The following EPN2 variants were observed in gnomAD, a reference collection of about 807,000 sequenced individuals.
EPN2 encodes the protein epsin 2.
Under a neutral mutation model 61.7 loss-of-function variants are expected in EPN2, and 34 were observed. The ratio of observed to expected loss-of-function variants is 0.55; its 90% CI spans 0.42 to 0.73. The LOEUF is 0.73. EPN2 is among the 30% of genes least tolerant of loss of function. The probability of loss-of-function intolerance (pLI) is 0.00; values close to 1 mark genes in which losing one functional copy is unlikely to be tolerated. For synonymous variants in EPN2, 349 were observed against 353.6 expected (o/e 0.99, Z 0.15); for missense variants, 714 against 839.2 (o/e 0.85, Z 1.84).
chr17:19,250,429 T>G (rs1052073746), intron 1 of EPN2, among the ~76,000 whole-genome samples: 10 of 152,134 alleles, frequency 6.6e-5, no homozygotes, highest in African/African-American at 2.2e-4. Flanking sequence ...ACCTTAATTC[T>G]CCTTTGCCAC....
intron 1 of EPN2, among the ~76,000 whole-genome samples, chr17:19,268,257 C>CATCTACTGGCATGGGG (rs1951022076): frequency 1.3e-5 from 2 of 152,244 alleles, no homozygotes; most frequent in Admixed American, 1.3e-4. Flanking sequence ...CAGGGTGCCA[C>CATCTACTGGCATGGGG]ATCTGTGCTT....
intron 1 of EPN2, among the ~76,000 whole-genome samples, chr17:19,271,379 G>C (rs1221035340): frequency 6.6e-6 from 1 of 152,226 alleles, no homozygotes; most frequent in Non-Finnish European, 1.5e-5. Context: ...ATGCAAGGCA[G>C]GAGCCACTTC....
intron 1 of EPN2, among the ~76,000 whole-genome samples, chr17:19,256,753 T>C (rs773403180): frequency 6.6e-6 from 1 of 152,188 alleles, no homozygotes; most frequent in Non-Finnish European, 1.5e-5. Flanking sequence ...TCCATGGGCC[T>C]GTCTAATGGT....
At chr17:19,314,381 G>A (rs900501159) in intron 7 of EPN2, among the ~76,000 whole-genome samples, 7 of 152,128 alleles carry the variant, frequency 4.6e-5, no homozygotes, top group African/African-American at 1.7e-4. Context: ...AAAAGAAGGT[G>A]TCCAGGCACC....
chr17:19,251,284 C>A (rs927816660), intron 1 of EPN2, among the ~76,000 whole-genome samples: 2 of 152,182 alleles, frequency 1.3e-5, no homozygotes, highest in African/African-American at 4.8e-5. Flanking sequence ...TAGGCAATCA[C>A]AGTGTCAGCT....
At chr17:19,295,518 G>C (rs2045511238) in intron 4 of EPN2, among the ~76,000 whole-genome samples, 1 of 151,950 alleles carries the variant, frequency 6.6e-6, no homozygotes, top group African/African-American at 2.4e-5. Flanking sequence ...GGTGACAAGA[G>C]TGAAACTCCC....
intron 1 of EPN2, among the ~76,000 whole-genome samples, chr17:19,259,973 G>A (rs1178866875): frequency 6.6e-6 from 1 of 152,174 alleles, no homozygotes; most frequent in African/African-American, 2.4e-5. Context: ...CTCCATGGCT[G>A]GCCTAAAAGC....
intron 4 of EPN2, among the ~76,000 whole-genome samples, chr17:19,305,779 G>T (rs1260003828): frequency 6.6e-6 from 1 of 152,158 alleles, no homozygotes; most frequent in Non-Finnish European, 1.5e-5. Flanking sequence ...GAGTGGGAGA[G>T]ACCCTTGTCT....
Position 19,334,882 on chromosome 17 carries a change from T to C in EPN2, c.*628T>C, listed in dbSNP as rs1372450129. Reference sequence around the variant, plus strand: ...ACATATTTTGTTTAGTACAGTTTCATATTTGAGTTTGCAGAATTATCTAAT... The same window carrying C: ...ACATATTTTGTTTAGTACAGTTTCACATTTGAGTTTGCAGAATTATCTAAT... On this transcript the variant is annotated 3_prime_UTR_variant, in exon 11 of 11. Transcript: ENST00000314728. The surrounding 1 kb of genome is among the most constrained non-coding windows in gnomAD (Gnocchi z 4.9). 1.3e-5 allele frequency: 2 copies of C among 153,856 alleles called. No individual in the cohort carries two copies. Among genetic ancestry groups the C allele is most frequent in the Non-Finnish European group, 1.5e-5 (1 of 68,936 alleles). The allele number at this position is 153,856 out of a possible 1,614,324, so 9.5% of individuals were successfully genotyped here.
At chr17:19,264,118 A>T (rs978923478) in intron 1 of EPN2, among the ~76,000 whole-genome samples, 1 of 152,242 alleles carries the variant, frequency 6.6e-6, no homozygotes, top group African/African-American at 2.4e-5. Context: ...GGACAATGGC[A>T]GTGTAAACAT....
intron 4 of EPN2, among the ~76,000 whole-genome samples, chr17:19,290,880 C>T (rs1372782971): frequency 6.6e-6 from 1 of 152,126 alleles, no homozygotes; most frequent in African/African-American, 2.4e-5. Flanking sequence ...TGGCTCTCCT[C>T]ATGGCCCCTC....
chr17:19,237,630 C>G (rs1187571265), intron 1 of EPN2, 99 bp downstream of exon 1: 1 of 152,226 alleles, frequency 6.6e-6, no homozygotes, highest in Non-Finnish European at 1.5e-5. Flanking sequence ...CACAGGCTCC[C>G]CTACCTCACC....
intron 4 of EPN2, chr17:19,297,047 C>T (rs1391695984): frequency 1.3e-5 from 2 of 152,244 alleles, no homozygotes; most frequent in South Asian, 4.1e-4. Context: ...ACCCTGTAAA[C>T]ATTTTAACAG....
chr17:19,289,724 G>GTTTTGTTTTTTTTTTTTT (rs772230550), intron 4 of EPN2, among the ~76,000 whole-genome samples: 16 of 78,028 alleles, frequency 2.1e-4, no homozygotes, highest in South Asian at 5.8e-4. Context: ...GGCGCTCATG[G>GTTTTGTTTTTTTTTTTTT]TTTTTTTTTT....
chr17:19,286,378 T>C (rs2045405192), intron 4 of EPN2, among the ~76,000 whole-genome samples: 1 of 152,206 alleles, frequency 6.6e-6, no homozygotes, highest in South Asian at 2.1e-4. Context: ...TCACGGTGTT[T>C]GAAGATACCT....
intron 4 of EPN2, among the ~76,000 whole-genome samples, chr17:19,300,556 G>A (rs1032993572): frequency 6.8e-6 from 1 of 146,366 alleles, no homozygotes; most frequent in Non-Finnish European, 1.5e-5. Context: ...AGCCTCCCAA[G>A]TAGCTGGGAT....
intron 1 of EPN2, among the ~76,000 whole-genome samples, chr17:19,250,699 A>G (rs1238315224): frequency 2.0e-5 from 3 of 152,032 alleles, no homozygotes; most frequent in Non-Finnish European, 4.4e-5. Flanking sequence ...CACCCTCCAC[A>G]TGGTGCCTGC....
intron 4 of EPN2, among the ~76,000 whole-genome samples, chr17:19,291,595 G>A (rs1228282047): frequency 6.6e-6 from 1 of 151,934 alleles, no homozygotes; most frequent in African/African-American, 2.4e-5. Context: ...CCGCCACTGC[G>A]CCCGGCTAAT....
At chr17:19,243,945 T>G (rs1011775523) in intron 1 of EPN2, among the ~76,000 whole-genome samples, 13 of 152,196 alleles carry the variant, frequency 8.5e-5, no homozygotes, top group African/African-American at 3.1e-4. Context: ...GTGTGTAAGA[T>G]GTCTAGCACC....
Sources: gnomAD v4.1 joint callset for allele counts (sites outside exome capture counted in the v4.1 genomes callset) on GRCh38, gnomAD v4.1.1 for gene constraint, Gnocchi (gnomAD v3.1) non-coding constraint, MANE v1.5 for transcripts, NCBI Gene and HGNC (gene_info 2026-07-23, HGNC 2026-07-21) for gene names.